The following SLC17A6 variants were observed in gnomAD, a reference collection of about 807,000 sequenced individuals.
SLC17A6 encodes vesicular glutamate transporter 2.
A neutral mutation model predicts 67.1 loss-of-function variants in SLC17A6; 35 were observed. The observed-to-expected ratio is 0.52, with a 90% CI of 0.40 to 0.69. The LOEUF (loss-of-function observed/expected upper bound fraction) is 0.69. Among genes scored for constraint, SLC17A6 ranks in the 30% least tolerant of loss-of-function variants. SLC17A6 has a pLI of 0.00. For synonymous variants in SLC17A6, 285 were observed against 252.3 expected (o/e 1.13, Z -1.23); for missense variants, 588 against 723.9 (o/e 0.81, Z 2.15).
At chr11:22,370,653 C>T (rs1856165150) in intron 8 of SLC17A6, among the ~76,000 whole-genome samples, 1 of 152,094 alleles carries the variant, frequency 6.6e-6, no homozygotes, top group African/African-American at 2.4e-5. Context: ...AATCTGAAAA[C>T]ACTCTTATAT....
At chr11:22,347,661 G>A (rs1855894065) in intron 3 of SLC17A6, among the ~76,000 whole-genome samples, 1 of 152,002 alleles carries the variant, frequency 6.6e-6, no homozygotes, top group Admixed American at 6.6e-5. Context: ...ATTTTCCCAT[G>A]TACATTATTC....
intron 3 of SLC17A6, among the ~76,000 whole-genome samples, chr11:22,349,338 T>A (rs553334416): frequency 1.3e-5 from 2 of 152,278 alleles, no homozygotes; most frequent in South Asian, 4.1e-4. Flanking sequence ...CAATCAAACA[T>A]CTAGCTGCCT....
At chr11:22,344,321 G>C (rs2078878214) in intron 3 of SLC17A6, among the ~76,000 whole-genome samples, 1 of 152,076 alleles carries the variant, frequency 6.6e-6, no homozygotes, top group South Asian at 2.1e-4. Flanking sequence ...CTAGAAGTTG[G>C]CATCTCCCTA....
At position 22,343,272 on chromosome 11, in the gene SLC17A6, A is replaced by G. The variant is rs1435362506; in HGVS notation, c.365A>G (p.Glu122Gly). The G allele has an allele frequency of 1.9e-6, 3 of 1,613,048 alleles. No homozygotes were observed. The highest frequency in any genetic ancestry group is 1.7e-5 in the Admixed American group (1 of 59,808). The change falls in exon 3 of 12, where the codon GAA becomes GGA. Residue 122 changes from glutamate (E) to glycine (G), a missense_variant. Coordinates refer to ENST00000263160, the MANE Select transcript of SLC17A6 (RefSeq NM_020346.3). ...KEKAKFNWDP[E>G]TVGMIHGSFF... Reference sequence around the variant, plus strand: ...AAAGCCAAATTCAACTGGGACCCGGAAACCGTGGGGATGATCCACGGTTCC... The same window carrying G: ...AAAGCCAAATTCAACTGGGACCCGGGAACCGTGGGGATGATCCACGGTTCC...
chr11:22,351,624 G>A (rs1003317258), intron 3 of SLC17A6, among the ~76,000 whole-genome samples: 5 of 151,396 alleles, frequency 3.3e-5, no homozygotes, highest in Non-Finnish European at 7.4e-5. Context: ...TATTTTTACT[G>A]TGTGTTTTCT....
rs774668932 is a variant in SLC17A6, at chr11:22,377,437, C to T, written c.1446C>T (p.Ile482=). 8.1e-6 allele frequency: 13 copies of T among 1,611,604 alleles called. No individual in the cohort carries two copies. Among genetic ancestry groups the T allele is most frequent in the East Asian group, 2.2e-5 (1 of 44,844 alleles). The change falls in exon 12 of 12, where the codon ATC becomes ATT. Residue 482 remains isoleucine, a synonymous_variant. Coordinates refer to ENST00000263160, the MANE Select transcript of SLC17A6 (RefSeq NM_020346.3). The part of the protein sequence containing the change: ...SREEWQYVFL[I]AALVHYGGVI... ...AAGAGTGGCAGTATGTCTTCCTGAT[C>T]GCTGCCCTAGTCCACTATGGTGGAG... is the stretch of plus-strand genomic sequence containing the variant.
Position 22,371,316 on chromosome 11 carries a change from T to C in SLC17A6, c.1041+1128T>C, listed in dbSNP as rs116040136. 4.7e-3 allele frequency among the ~76,000 whole-genome samples: 722 copies of C among 152,180 alleles called. 8 individuals carry two copies. The highest frequency in any genetic ancestry group is 0.016 in the African/African-American group (682 of 41,550). ...CTCGCTATTCATATTCTATCTCTAC[T>C]TGAAAGACTATCTGAGACCTGGGAC... On this transcript the variant is annotated intron_variant, in intron 8 of 11. Coordinates refer to ENST00000263160, the MANE Select transcript of SLC17A6 (RefSeq NM_020346.3).
intron 10 of SLC17A6, 51 bp from the exon 11 acceptor site, chr11:22,376,494 C>T (rs1367241175): frequency 2.5e-6 from 4 of 1,609,846 alleles, no homozygotes; most frequent in Non-Finnish European, 2.5e-6. Context: ...TAGGTATTTA[C>T]TTCTAAGACG....
At chr11:22,362,046 C>T (rs1158564382) in intron 5 of SLC17A6, among the ~76,000 whole-genome samples, 1 of 151,544 alleles carries the variant, frequency 6.6e-6, no homozygotes, top group Admixed American at 6.6e-5. Context: ...TTTACAATTG[C>T]CTTTAATAAC....
chr11:22,339,078 T>TTA (rs1554942737), intron 1 of SLC17A6, among the ~76,000 whole-genome samples: 43 of 83,818 alleles, frequency 5.1e-4, no homozygotes, highest in South Asian at 1.7e-3. Context: ...TATATATATG[T>TTA]TATATATATA....
intron 3 of SLC17A6, among the ~76,000 whole-genome samples, chr11:22,352,478 C>A (rs1163488366): frequency 6.6e-6 from 1 of 152,192 alleles, no homozygotes; most frequent in Non-Finnish European, 1.5e-5. Context: ...TCTGTTATCA[C>A]CTACATATAC....
At chr11:22,357,259 T>C (rs1238078198) in intron 3 of SLC17A6, among the ~76,000 whole-genome samples, 1 of 152,228 alleles carries the variant, frequency 6.6e-6, no homozygotes, top group Non-Finnish European at 1.5e-5. Flanking sequence ...CTCTGGGTTG[T>C]TAGGTGCTTG....
intron 1 of SLC17A6, among the ~76,000 whole-genome samples, chr11:22,338,868 G>A (rs1217099738): frequency 1.4e-5 from 2 of 146,918 alleles, no homozygotes; most frequent in African/African-American, 5.2e-5. Context: ...TTTTGCTTTG[G>A]TGCCTGCAGA....
chr11:22,341,702 C>T lies in SLC17A6; in HGVS notation c.261C>T (p.Ile87=), dbSNP rs754229413. The change falls in exon 2 of 12, where the codon ATC becomes ATT. Residue 87 remains isoleucine (I), a synonymous_variant. Transcript: ENST00000263160. The part of the protein sequence containing the change: ...SGLGFCISFG[I]RCNLGVAIVD... Reference sequence around the variant, plus strand: ...TGGGCTTCTGCATCTCCTTCGGTATCCGCTGCAACCTGGGCGTGGCCATTG... The same window carrying T: ...TGGGCTTCTGCATCTCCTTCGGTATTCGCTGCAACCTGGGCGTGGCCATTG... The T allele has an allele frequency of 3.1e-6, 5 of 1,614,240 alleles. No individual in the cohort carries two copies. The Admixed American group carries it at 5.0e-5, about 16-fold the overall frequency.
intron 3 of SLC17A6, among the ~76,000 whole-genome samples, chr11:22,357,322 C>T (rs1047271383): frequency 1.2e-4 from 19 of 152,156 alleles, no homozygotes; most frequent in African/African-American, 4.1e-4. Context: ...GTCGAATAAG[C>T]ACTCATTAAA....
chr11:22,377,699 C>A lies in SLC17A6; in HGVS notation c.1708C>A (p.Gln570Lys), dbSNP rs778273031. The A allele has an allele frequency of 6.2e-7, 1 of 1,608,010 alleles. No individual in the cohort carries two copies. The highest frequency in any genetic ancestry group is 8.5e-7 in the Non-Finnish European group (1 of 1,177,784). Residue 570 changes from glutamine (Q) to lysine (K), a missense_variant, in exon 12 of 12, where the codon CAA becomes AAA. Transcript: ENST00000263160. ...AGAGGAATTTGTACAAGGAGAAGTA[C>A]AAGACTCACATAGCTATAAGGACCG... Reference protein sequence around the residue: ...KKEEFVQGEVQDSHSYKDRVD... With the variant: ...KKEEFVQGEVKDSHSYKDRVD...
At chr11:22,347,508 A>G (rs1355332391) in intron 3 of SLC17A6, among the ~76,000 whole-genome samples, 3 of 7,134 alleles carry the variant, frequency 4.2e-4, no homozygotes, top group South Asian at 3.4e-3. Context: ...ACTTTCGGGA[A>G]AAAAAAAGGA....
Position 22,360,997 on chromosome 11 carries a change from T to G in SLC17A6, c.661+13T>G. 2 of 1,608,852 alleles carry G rather than the reference T, an allele frequency of 1.2e-6. No individual in the cohort carries two copies. The highest frequency in any genetic ancestry group is 1.7e-6 in the Non-Finnish European group (2 of 1,175,864). On this transcript the variant is annotated intron_variant, in intron 5 of 11. Coordinates refer to ENST00000263160, the MANE Select transcript of SLC17A6 (RefSeq NM_020346.3). ...ACCTCCTTTTGTGGTGAGTACTGTG[T>G]GCAGATGCAGCTATGGTGGCTAAAA...
At chr11:22,354,596 T>C (rs2133866165) in intron 3 of SLC17A6, among the ~76,000 whole-genome samples, 1 of 152,316 alleles carries the variant, frequency 6.6e-6, no homozygotes, top group South Asian at 2.1e-4. Context: ...TTTTCATCTT[T>C]CAAAGTTTAT....
Sources: allele counts gnomAD v4.1 joint callset (sites outside exome capture counted in the v4.1 genomes callset), GRCh38; gene constraint gnomAD v4.1.1; transcripts MANE v1.5; gene names NCBI Gene and HGNC (gene_info 2026-07-23, HGNC 2026-07-21).